The following MGARP variants were observed in gnomAD, a reference collection of about 807,000 sequenced individuals.
MGARP encodes the protein protein MGARP.
A neutral mutation model predicts 11.0 loss-of-function variants in MGARP; 12 were observed. The observed-to-expected ratio is 1.09, with a 90% CI of 0.70 to 1.77. MGARP has a LOEUF of 1.77. Ranked by LOEUF, MGARP falls within the 40% of genes most tolerant of loss-of-function variation. The pLI, the probability that MGARP is intolerant of heterozygous loss-of-function variation, is 0.00. For synonymous variants in MGARP, 110 were observed against 115.4 expected, an observed-to-expected ratio of 0.95 and a Z score of 0.30; for missense variants, 283 against 297.8, an observed-to-expected ratio of 0.95 and a Z score of 0.36.
chr4:139,266,493 T>C lies in MGARP; in HGVS notation c.*106A>G. 8.9e-7 allele frequency: 1 copy of C among 1,128,988 alleles called. No homozygotes were observed. Among genetic ancestry groups the C allele is most frequent in the South Asian group, 1.7e-5 (1 of 59,806 alleles). The allele number at this position is 1,128,988 out of a possible 1,614,324, so 69.9% of individuals were successfully genotyped here. A position where few individuals can be genotyped will look rare whatever the true frequency, so the allele number is the denominator to read the frequency against. On this transcript the variant is annotated 3_prime_UTR_variant, in exon 4 of 4. Transcript: ENST00000398955. Reference sequence around the variant, plus strand: ...AAATCTTCAAGACCCATTAACGTTTTCTAGAAAATAAGTCTTTTTTTTTTT... The same window carrying C: ...AAATCTTCAAGACCCATTAACGTTTCCTAGAAAATAAGTCTTTTTTTTTTT...
intron 1 of MGARP, among the ~76,000 whole-genome samples, chr4:139,276,119 G>C (rs1744869700): frequency 6.6e-6 from 1 of 152,122 alleles, no homozygotes; most frequent in Non-Finnish European, 1.5e-5. Flanking sequence ...TAAACTTAAA[G>C]TCGGAAGGAG....
chr4:139,266,519 A>T lies in MGARP; in HGVS notation c.*80T>A, dbSNP rs1279569776. 12 of 1,239,614 alleles carry T rather than the reference A, an allele frequency of 9.7e-6. No homozygotes were observed. Among genetic ancestry groups the T allele is most frequent in the South Asian group, 1.6e-5 (1 of 63,974 alleles). 76.8% of individuals were successfully genotyped at this position (1,239,614 alleles called of 1,614,324 possible). A position where few individuals can be genotyped will look rare whatever the true frequency, so the allele number is the denominator to read the frequency against. On this transcript the variant is annotated 3_prime_UTR_variant, in exon 4 of 4. Coordinates refer to ENST00000398955, the MANE Select transcript of MGARP (RefSeq NM_032623.4). ...CTAGAAAATAAGTCTTTTTTTTTTT[A>T]AACTAAGTGTACTAAAAACACAAAA...
rs1462040668 is a variant in MGARP at position 139,266,381 on chromosome 4, T to C, written c.*218A>G. 1.5e-5 allele frequency: 8 copies of C among 539,766 alleles called. No individual in the cohort carries two copies. Among genetic ancestry groups the C allele is most frequent in the Non-Finnish European group, 2.6e-5 (8 of 306,918 alleles). The allele number at this position is 539,766 out of a possible 1,614,324, so 33.4% of individuals were successfully genotyped here. A position where few individuals can be genotyped will look rare whatever the true frequency, so the allele number is the denominator to read the frequency against. On this transcript the variant is annotated 3_prime_UTR_variant, in exon 4 of 4. Transcript: ENST00000398955. The stretch of plus-strand genomic sequence containing the variant: ...ACTATTTAAGCTCTTTACTGCAATG[T>C]CATATTCTGATCTCAGACAGTAGAA...
In MGARP at chr4:139,271,080, C is replaced by T. The variant is rs188482088; in HGVS notation, c.187-2315G>A. 1.1e-4 allele frequency among the ~76,000 whole-genome samples: 16 copies of T among 152,234 alleles called. No individual in the cohort carries two copies. The East Asian group carries it at 2.7e-3, about 26-fold the overall frequency. On this transcript the variant is annotated intron_variant, in intron 2 of 3. Transcript: ENST00000398955. Reference sequence around the variant, plus strand: ...CTAGGTTTTCCAAATCCAGCACAGTCGAGCACAGAGTAGAATAAAGGCCTA... The same window carrying T: ...CTAGGTTTTCCAAATCCAGCACAGTTGAGCACAGAGTAGAATAAAGGCCTA...
At chr4:139,276,034 A>G (rs753642790) in intron 1 of MGARP, among the ~76,000 whole-genome samples, 18 of 152,360 alleles carry the variant, frequency 1.2e-4, no homozygotes, top group Non-Finnish European at 2.1e-4. Context: ...GTACTATATT[A>G]TTATATTTAA....
intron 2 of MGARP, among the ~76,000 whole-genome samples, chr4:139,274,947 T>A (rs890933207): frequency 6.6e-6 from 1 of 152,144 alleles, no homozygotes; most frequent in African/African-American, 2.4e-5. Context: ...TAAAATTATT[T>A]TTACTGAAAA....
At chr4:139,268,543 T>C (rs374014069) in intron 3 of MGARP, 129 bp downstream of exon 3, 2 of 604,686 alleles carry the variant, frequency 3.3e-6, no homozygotes, top group East Asian at 2.8e-5. Flanking sequence ...AATGAACTTA[T>C]ACCTAGAGTC....
chr4:139,267,822 G>A (rs1329993081), intron 3 of MGARP, among the ~76,000 whole-genome samples: 1 of 152,094 alleles, frequency 6.6e-6, no homozygotes, highest in African/African-American at 2.4e-5. Context: ...ATGGTTTAAA[G>A]CAAGAAGTGG....
intron 3 of MGARP, among the ~76,000 whole-genome samples, chr4:139,267,248 G>A (rs760250515): frequency 2.0e-5 from 3 of 152,094 alleles, no homozygotes; most frequent in Admixed American, 6.6e-5. Flanking sequence ...GGAGCAGGAG[G>A]GGGGTAAGTT....
intron 1 of MGARP, among the ~76,000 whole-genome samples, chr4:139,276,311 G>A (rs1447094778): frequency 6.6e-6 from 1 of 152,150 alleles, no homozygotes; most frequent in Non-Finnish European, 1.5e-5. Context: ...CAGTCTAGAA[G>A]GAGGGTATGA....
chr4:139,270,620 A>AG (rs1744765884), intron 2 of MGARP, among the ~76,000 whole-genome samples: 1 of 151,686 alleles, frequency 6.6e-6, no homozygotes, highest in African/African-American at 2.4e-5. Flanking sequence ...AAAAAAAAAA[A>AG]AAAAAAAGAA....
intron 2 of MGARP, among the ~76,000 whole-genome samples, chr4:139,272,780 C>A (rs1046234599): frequency 6.7e-6 from 1 of 149,430 alleles, no homozygotes; most frequent in Non-Finnish European, 1.5e-5. Context: ...TCCGCCTCCC[C>A]GGTTCAAGCA....
rs773411416 is a variant in MGARP, at chr4:139,280,185, C to T, written c.-27G>A. Reference sequence around the variant, plus strand: ...GCGCCCGCTGTCCGCCGCGCAGCAGCCTCGGTACCCAGGCGCAGGCTGCCC... The same window carrying T: ...GCGCCCGCTGTCCGCCGCGCAGCAGTCTCGGTACCCAGGCGCAGGCTGCCC... On this transcript the variant is annotated 5_prime_UTR_variant, in exon 1 of 4. Transcript: ENST00000398955. 1.2e-5 allele frequency: 19 copies of T among 1,596,318 alleles called. No individual in the cohort carries two copies. The highest frequency in any genetic ancestry group is 1.6e-5 in the Non-Finnish European group (19 of 1,173,620).
chr4:139,274,482 A>T (rs1361579565), intron 2 of MGARP, among the ~76,000 whole-genome samples: 1 of 151,878 alleles, frequency 6.6e-6, no homozygotes, highest in Admixed American at 6.6e-5. Context: ...AGTTATATTA[A>T]TTTTTTTAAA....
intron 2 of MGARP, among the ~76,000 whole-genome samples, chr4:139,274,263 T>A (rs1453166182): frequency 2.0e-5 from 3 of 151,868 alleles, no homozygotes; most frequent in Admixed American, 1.3e-4. Context: ...ACGCAAAGAG[T>A]GGATCCTAAT....
At chr4:139,277,782 A>AG (rs1345212926) in intron 1 of MGARP, among the ~76,000 whole-genome samples, 1 of 152,152 alleles carries the variant, frequency 6.6e-6, no homozygotes, top group Admixed American at 6.5e-5. Flanking sequence ...GGAAGGAATG[A>AG]GGGGAAAAAA....
chr4:139,269,300 C>G (rs1191048007), intron 2 of MGARP, among the ~76,000 whole-genome samples: 1 of 152,124 alleles, frequency 6.6e-6, no homozygotes, highest in Non-Finnish European at 1.5e-5. Flanking sequence ...AACCTGTACA[C>G]AAATGTTCAT....
rs1251745093 is a variant in MGARP, at chr4:139,266,719, G to T, written c.603C>A (p.Thr201=). Residue 201 remains threonine, a synonymous_variant, in exon 4 of 4, where the codon ACC becomes ACA. Coordinates refer to ENST00000398955, the MANE Select transcript of MGARP (RefSeq NM_032623.4). ...DNDKDTTKNE[T]SDEYAELEEE... The stretch of plus-strand genomic sequence containing the variant: ...CTTCTAGTTCAGCATATTCATCAGA[G>T]GTTTCGTTCTTTGTTGTATCTTTAT... 1 of 1,614,124 alleles carries T rather than the reference G, an allele frequency of 6.2e-7. No homozygotes were observed. The highest frequency in any genetic ancestry group is 2.2e-5 in the East Asian group (1 of 44,880).
chr4:139,268,152 T>A (rs13125490), intron 3 of MGARP, among the ~76,000 whole-genome samples: 35,660 of 122,080 alleles, frequency 0.29, 4,425 homozygotes, highest in African/African-American at 0.31. Context: ...GAAGGGAGGG[T>A]GGGAAAAAGA....
Sources: gnomAD v4.1 joint callset for allele counts (sites outside exome capture counted in the v4.1 genomes callset) on GRCh38, gnomAD v4.1.1 for gene constraint, MANE v1.5 for transcripts, NCBI Gene and HGNC (gene_info 2026-07-23, HGNC 2026-07-21) for gene names.